Variants in ZBTB38 observed in about 807,000 individuals in gnomAD.
ZBTB38 encodes zinc finger and BTB domain-containing protein 38.
ZBTB38 carries 20 observed loss-of-function variants against 76.8 expected under a neutral mutation model. The observed-to-expected ratio is 0.26, with a 90% CI of 0.18 to 0.38. The LOEUF (loss-of-function observed/expected upper bound fraction) is 0.38, where lower values mean the gene tolerates loss of function less well. Ranked by LOEUF, ZBTB38 falls within the 10% of genes least tolerant of loss-of-function variation. The pLI is 1.00. For missense variants in ZBTB38, 1,082 were observed against 1,482.3 expected, an observed-to-expected ratio of 0.73 and a Z score of 4.43; for synonymous variants, 504 against 544.2, an observed-to-expected ratio of 0.93 and a Z score of 1.03.
intron 4 of ZBTB38, among the ~76,000 whole-genome samples, chr3:141,399,925 G>A (rs1951370229): frequency 6.8e-6 from 1 of 147,710 alleles, no homozygotes; most frequent in Admixed American, 6.7e-5. Context: ...CATATTGTGG[G>A]AATAGTGAAG....
chr3:141,349,098 C>G (rs1356247100), intron 1 of ZBTB38, among the ~76,000 whole-genome samples: 3 of 152,150 alleles, frequency 2.0e-5, no homozygotes, highest in African/African-American at 7.2e-5. Context: ...TAGCCTTTCA[C>G]CCCACTTGGC....
At chr3:141,340,851 T>C (rs1353575241) in intron 1 of ZBTB38, among the ~76,000 whole-genome samples, 2 of 148,136 alleles carry the variant, frequency 1.4e-5, no homozygotes, top group Non-Finnish European at 3.0e-5. Context: ...GAGCTAAGAT[T>C]GCGCAACTGC....
chr3:141,380,172 C>T (rs1945995940), intron 2 of ZBTB38, among the ~76,000 whole-genome samples: 1 of 152,196 alleles, frequency 6.6e-6, no homozygotes, highest in Non-Finnish European at 1.5e-5. Context: ...TAATTTTCTT[C>T]TCCCTCAAAG....
intron 5 of ZBTB38, among the ~76,000 whole-genome samples, chr3:141,439,504 T>C (rs1260462876): frequency 6.6e-6 from 1 of 152,254 alleles, no homozygotes; most frequent in Non-Finnish European, 1.5e-5. Flanking sequence ...GGCCTTTTGC[T>C]AACCATCCTA....
upstream of ZBTB38, among the ~76,000 whole-genome samples, chr3:141,363,563 G>T (rs560543623): frequency 1.1e-4 from 17 of 152,156 alleles, no homozygotes; most frequent in Non-Finnish European, 2.1e-4. Flanking sequence ...CAATGGAATA[G>T]AATTAAGAGT....
chr3:141,407,816 A>G (rs1332057083), intron 5 of ZBTB38, among the ~76,000 whole-genome samples: 1 of 152,272 alleles, frequency 6.6e-6, no homozygotes, highest in Non-Finnish European at 1.5e-5. Context: ...TCTACTAGAG[A>G]TATGTCTATA....
At chr3:141,422,693 A>G (rs2075652809) in intron 5 of ZBTB38, among the ~76,000 whole-genome samples, 1 of 152,126 alleles carries the variant, frequency 6.6e-6, no homozygotes, top group Admixed American at 6.5e-5. Flanking sequence ...TTGAACCCCT[A>G]ACCTCTTCTC....
chr3:141,403,282 C>T (rs1953011486), intron 4 of ZBTB38: 1 of 152,302 alleles, frequency 6.6e-6, no homozygotes, highest in African/African-American at 2.4e-5. Context: ...CTGTGAAGCT[C>T]AACTACTTGG....
At position 141,445,044 on chromosome 3, in the gene ZBTB38, G is replaced by A. The variant is rs1431389899; in HGVS notation, c.2656G>A (p.Asp886Asn). ...PQGNDPEPSG[D>N]SPLGLCQSEC... is the part of the protein sequence containing the mutation. ...GGGGAATGACCCAGAACCCAGTGGA[G>A]ACAGCCCACTCGGGCTTTGCCAATC... Residue 886 changes from aspartate to asparagine, a missense_variant, in exon 6 of 6, where the codon GAC (aspartate) becomes AAC (asparagine). Transcript: ENST00000321464. This position sits in a 1 kb window ranked among gnomAD's most constrained non-coding sequence, Gnocchi z 6.5. 3 of 1,614,216 alleles carry A rather than the reference G, an allele frequency of 1.9e-6. No homozygotes were observed. The highest frequency in any genetic ancestry group is 1.7e-5 in the Admixed American group (1 of 60,024).
intron 2 of ZBTB38, among the ~76,000 whole-genome samples, chr3:141,373,569 C>T (rs555286237): frequency 6.6e-6 from 1 of 152,294 alleles, no homozygotes; most frequent in South Asian, 2.1e-4. Context: ...ATCATATTCA[C>T]CAAAACTAAG....
intron 1 of ZBTB38, among the ~76,000 whole-genome samples, chr3:141,336,765 C>T (rs371774348): frequency 4.6e-5 from 7 of 152,342 alleles, no homozygotes; most frequent in African/African-American, 1.7e-4. Context: ...GATTTTCCCA[C>T]ATGGTAGGAC....
In ZBTB38 at chr3:141,444,121, A is replaced by G. The variant is rs747459711; in HGVS notation, c.1733A>G (p.Tyr578Cys). 1.9e-6 allele frequency: 3 copies of G among 1,614,008 alleles called. No individual in the cohort carries two copies. The highest frequency in any genetic ancestry group is 1.3e-5 in the African/African-American group (1 of 75,022). Residue 578 changes from tyrosine to cysteine, a missense_variant, in exon 6 of 6, where the codon TAT becomes TGT. Physicochemically the swap from Tyr to Cys is radical, Grantham distance 194 (BLOSUM62 -2). Coordinates refer to ENST00000321464, the MANE Select transcript of ZBTB38 (RefSeq NM_001376113.1). This position sits in a 1 kb window ranked among gnomAD's most constrained non-coding sequence, Gnocchi z 5.1. ...LLPMKCKRAP[Y>C]KSYRNSSYEN... ...CCTATGAAATGCAAGAGAGCCCCTT[A>G]TAAGAGCTACCGAAATTCTTCCTAT...
At chr3:141,340,218 C>G (rs951144384) in intron 1 of ZBTB38, among the ~76,000 whole-genome samples, 1 of 152,120 alleles carries the variant, frequency 6.6e-6, no homozygotes, top group Admixed American at 6.5e-5. Flanking sequence ...GTTTAAAAAC[C>G]ATGTATACTT....
rs191792993 is a variant in ZBTB38, at chr3:141,331,557, T to G, written c.-739+7101T>G. On this transcript the variant is annotated intron_variant, in intron 1 of 7. Transcript: ENST00000509842. ...GTTGTTTTTTGTTTTTTGTTTTTTT[T>G]TTATTGCTCACACACAAATGAGAAG... 1.9e-3 allele frequency among the ~76,000 whole-genome samples: 296 copies of G among 152,302 alleles called. 3 individuals are homozygous for G. The highest frequency in any genetic ancestry group is 2.3e-3 in the East Asian group (12 of 5,188).
intron 1 of ZBTB38, among the ~76,000 whole-genome samples, chr3:141,342,869 A>C (rs1406318333): frequency 6.6e-6 from 1 of 151,772 alleles, no homozygotes; most frequent in Non-Finnish European, 1.5e-5. Flanking sequence ...TATGAACAAG[A>C]GCTGAGGAAG....
At chr3:141,429,252 T>G (rs540951649) in intron 5 of ZBTB38, among the ~76,000 whole-genome samples, 1 of 150,270 alleles carries the variant, frequency 6.7e-6, no homozygotes, top group East Asian at 2.0e-4. Flanking sequence ...TGGGGGATGG[T>G]GAGTGCAGAG....
chr3:141,377,090 A>G (rs764377750), intron 2 of ZBTB38, among the ~76,000 whole-genome samples: 1 of 152,166 alleles, frequency 6.6e-6, no homozygotes, highest in African/African-American at 2.4e-5. Context: ...CACCTGCCCT[A>G]CCCCATGGGA....
intron 5 of ZBTB38, among the ~76,000 whole-genome samples, chr3:141,441,608 T>A (rs1347682751): frequency 6.6e-6 from 1 of 152,222 alleles, no homozygotes; most frequent in African/African-American, 2.4e-5. Context: ...CTCTAGAGAT[T>A]GACCCTTATG....
chr3:141,446,645 A>C lies in ZBTB38; in HGVS notation c.*669A>C, dbSNP rs1311320889. 1.3e-5 allele frequency: 2 copies of C among 152,670 alleles called. No individual in the cohort carries two copies. Among genetic ancestry groups the C allele is most frequent in the Non-Finnish European group, 2.9e-5 (2 of 68,050 alleles). The allele number at this position is 152,670 out of a possible 1,614,324, so 9.5% of individuals were successfully genotyped here. On this transcript the variant is annotated 3_prime_UTR_variant, in exon 6 of 6. Coordinates refer to ENST00000321464, the MANE Select transcript of ZBTB38 (RefSeq NM_001376113.1). ...TCCCCTGTAGAGAATTATGAGGAGCAATAGATCTGCAAATAATGAGGACTG... is the reference window on the plus strand; with the variant it reads ...TCCCCTGTAGAGAATTATGAGGAGCCATAGATCTGCAAATAATGAGGACTG...
Sources: gnomAD v4.1 joint callset for allele counts (sites outside exome capture counted in the v4.1 genomes callset) on GRCh38, gnomAD v4.1.1 for gene constraint, Gnocchi (gnomAD v3.1) non-coding constraint, MANE v1.5 for transcripts, NCBI Gene and HGNC (gene_info 2026-07-23, HGNC 2026-07-21) for gene names.